CNTN1: variants seen among roughly 807,000 people sequenced by gnomAD.
CNTN1 encodes contactin-1.
A neutral mutation model predicts 126.4 loss-of-function variants in CNTN1; 38 were observed. The observed-to-expected ratio is 0.30, with a 90% CI of 0.23 to 0.39. The LOEUF is 0.39. Ranked by LOEUF, CNTN1 falls within the 10% of genes least tolerant of loss-of-function variation. CNTN1 has a pLI of 1.00. For missense variants in CNTN1, 1,009 were observed against 1,248.4 expected, an observed-to-expected ratio of 0.81 and a Z score of 2.89; for synonymous variants, 413 against 422.6, an observed-to-expected ratio of 0.98 and a Z score of 0.28.
At chr12:40,877,117 C>T (rs1943693570) in intron 1 of CNTN1, among the ~76,000 whole-genome samples, 1 of 152,090 alleles carries the variant, frequency 6.6e-6, no homozygotes, top group South Asian at 2.1e-4. Context: ...CATATTTTCC[C>T]TTCGACAACT....
chr12:40,813,978 C>A (rs568615882), intron 1 of CNTN1, among the ~76,000 whole-genome samples: 1 of 151,812 alleles, frequency 6.6e-6, no homozygotes, highest in Admixed American at 6.6e-5. Context: ...TGTTTGTTGG[C>A]CGTGTAAATG....
chr12:41,064,966 C>A (rs916444115), intron 23 of CNTN1, among the ~76,000 whole-genome samples: 1 of 152,178 alleles, frequency 6.6e-6, no homozygotes, highest in Non-Finnish European at 1.5e-5. Flanking sequence ...TTGCCTGTTT[C>A]CAGAACGTCT....
intron 1 of CNTN1, among the ~76,000 whole-genome samples, chr12:40,768,328 A>C (rs1177913632): frequency 6.6e-6 from 1 of 152,238 alleles, no homozygotes; most frequent in African/African-American, 2.4e-5. Flanking sequence ...GCGAGCCCGC[A>C]GATCTTTGTC....
At chr12:41,019,462 A>G (rs1186201163) in intron 19 of CNTN1, among the ~76,000 whole-genome samples, 1 of 152,238 alleles carries the variant, frequency 6.6e-6, no homozygotes, top group African/African-American at 2.4e-5. Flanking sequence ...AATCAATCAT[A>G]GTGCTACACA....
At chr12:40,839,307 G>A (rs1942189643) in intron 1 of CNTN1, among the ~76,000 whole-genome samples, 1 of 152,188 alleles carries the variant, frequency 6.6e-6, no homozygotes, top group Admixed American at 6.5e-5. Flanking sequence ...GGATAGTCAA[G>A]TTACTGATAT....
chr12:40,865,949 G>A (rs1261261787), intron 1 of CNTN1, among the ~76,000 whole-genome samples: 4 of 151,982 alleles, frequency 2.6e-5, no homozygotes, highest in Non-Finnish European at 4.4e-5. Flanking sequence ...TCTGAACAAC[G>A]AACATAAGAT....
At chr12:40,781,828 C>A (rs1237952746) in intron 1 of CNTN1, among the ~76,000 whole-genome samples, 1 of 151,896 alleles carries the variant, frequency 6.6e-6, no homozygotes, top group East Asian at 1.9e-4. Context: ...TTATTTAACG[C>A]ATGTTTATAT....
intron 1 of CNTN1, among the ~76,000 whole-genome samples, chr12:40,851,915 A>T (rs2136618696): frequency 6.6e-6 from 1 of 152,328 alleles, no homozygotes; most frequent in South Asian, 2.1e-4. Flanking sequence ...AAATGGCAGC[A>T]TTAGCATAAT....
At chr12:41,019,727 A>C (rs1209410630) in intron 19 of CNTN1, among the ~76,000 whole-genome samples, 1 of 152,218 alleles carries the variant, frequency 6.6e-6, no homozygotes, top group African/African-American at 2.4e-5. Flanking sequence ...CCCAGGAAAC[A>C]GTGGATGTTA....
intron 23 of CNTN1, among the ~76,000 whole-genome samples, chr12:41,034,595 T>G (rs1389190368): frequency 6.6e-6 from 1 of 152,212 alleles, no homozygotes; most frequent in Non-Finnish European, 1.5e-5. Context: ...TTCAACCATC[T>G]TGAAATAACC....
chr12:40,874,545 A>C (rs1943608187), intron 1 of CNTN1, among the ~76,000 whole-genome samples: 1 of 152,140 alleles, frequency 6.6e-6, no homozygotes, highest in African/African-American at 2.4e-5. Context: ...GGATGAGACC[A>C]ACTGCATTTT....
chr12:40,953,481 A>G (rs1003511687), intron 14 of CNTN1, among the ~76,000 whole-genome samples: 1 of 152,136 alleles, frequency 6.6e-6, no homozygotes, highest in Non-Finnish European at 1.5e-5. Flanking sequence ...GCTTTCATAC[A>G]TACACAACTA....
intron 1 of CNTN1, among the ~76,000 whole-genome samples, chr12:40,813,256 T>G (rs1481305007): frequency 1.3e-5 from 2 of 149,842 alleles, no homozygotes; most frequent in Non-Finnish European, 3.0e-5. Flanking sequence ...AGGATTCATG[T>G]GCAGAACATG....
chr12:41,062,428 A>G (rs1949954907), intron 23 of CNTN1, among the ~76,000 whole-genome samples: 1 of 152,154 alleles, frequency 6.6e-6, no homozygotes, highest in Admixed American at 6.5e-5. Flanking sequence ...TACCTTACAG[A>G]TTTGCAAGTT....
intron 1 of CNTN1, among the ~76,000 whole-genome samples, chr12:40,843,550 C>T (rs946253949): frequency 1.3e-5 from 2 of 152,262 alleles, no homozygotes; most frequent in African/African-American, 4.8e-5. Flanking sequence ...TGTTGGTTTA[C>T]ATTTGTTATT....
intron 16 of CNTN1, among the ~76,000 whole-genome samples, chr12:40,982,384 A>G (rs1046662165): frequency 6.6e-6 from 1 of 152,210 alleles, no homozygotes; most frequent in South Asian, 2.1e-4. Flanking sequence ...TGAAACTATT[A>G]GAAATCTAGC....
intron 23 of CNTN1, among the ~76,000 whole-genome samples, chr12:41,040,356 CAG>C (rs1949371037): frequency 6.6e-6 from 1 of 151,942 alleles, no homozygotes; most frequent in African/African-American, 2.4e-5. Flanking sequence ...AGCAAAGAAG[CAG>C]AGAGAGAAAG....
At chr12:40,979,692 T>A (rs1453585708) in intron 15 of CNTN1, among the ~76,000 whole-genome samples, 1 of 152,130 alleles carries the variant, frequency 6.6e-6, no homozygotes, top group Non-Finnish European at 1.5e-5. Flanking sequence ...AAGTGATAGA[T>A]GCCACTTCAC....
chr12:40,934,856 C>T (rs565825443), intron 9 of CNTN1, among the ~76,000 whole-genome samples: 38 of 152,166 alleles, frequency 2.5e-4, no homozygotes, highest in African/African-American at 9.1e-4. Context: ...GATCAATTCT[C>T]AGTTGTACTT....
Sources: allele counts gnomAD v4.1 joint callset (sites outside exome capture counted in the v4.1 genomes callset), GRCh38; gene constraint gnomAD v4.1.1; transcripts MANE v1.5; gene names NCBI Gene and HGNC (gene_info 2026-07-23, HGNC 2026-07-21).